DLG2: variants seen among roughly 807,000 people sequenced by gnomAD.
DLG2 encodes the protein discs large MAGUK scaffold protein 2.
Under a neutral mutation model 132.5 loss-of-function variants are expected in DLG2, and 45 were observed. The observed-to-expected ratio is 0.34, with a 90% CI of 0.27 to 0.44. DLG2 has a LOEUF of 0.44. Ranked by LOEUF, DLG2 falls within the 20% of genes least tolerant of loss-of-function variation. The pLI is 1.00. For missense variants in DLG2, 1,045 were observed against 1,196.9 expected (o/e 0.87, Z 1.87); for synonymous variants, 424 against 419.6 (o/e 1.01, Z -0.13).
intron 7 of DLG2, among the ~76,000 whole-genome samples, chr11:84,374,489 T>G (rs1163683214): frequency 2.0e-5 from 3 of 152,200 alleles, no homozygotes; most frequent in Admixed American, 1.3e-4. Context: ...ATCTGTGATT[T>G]TTTTTAGCCC....
At chr11:84,116,123 A>C (rs2093622583) in intron 9 of DLG2, among the ~76,000 whole-genome samples, 1 of 152,160 alleles carries the variant, frequency 6.6e-6, no homozygotes, top group Non-Finnish European at 1.5e-5. Flanking sequence ...AGCACTGGCA[A>C]GTGGGGCCTT....
At chr11:84,424,923 C>A (rs1477909299) in intron 7 of DLG2, among the ~76,000 whole-genome samples, 2 of 151,974 alleles carry the variant, frequency 1.3e-5, no homozygotes. Context: ...CTGGGCAAGA[C>A]AGAATAAATA....
chr11:83,970,654 C>G (rs2091153095), intron 12 of DLG2, among the ~76,000 whole-genome samples: 1 of 152,154 alleles, frequency 6.6e-6, no homozygotes, highest in Non-Finnish European at 1.5e-5. Context: ...GTTTTGACAT[C>G]TGCAAAACAG....
At chr11:84,735,296 T>C (rs1380674798) in intron 6 of DLG2, among the ~76,000 whole-genome samples, 2 of 152,188 alleles carry the variant, frequency 1.3e-5, no homozygotes, top group Non-Finnish European at 2.9e-5. Context: ...AGGCTATTAA[T>C]TATTGCCTCA....
At chr11:84,332,824 T>C (rs2098467022) in intron 7 of DLG2, among the ~76,000 whole-genome samples, 1 of 152,324 alleles carries the variant, frequency 6.6e-6, no homozygotes. Context: ...AGGACCTTGA[T>C]GCAATGCCCA....
At chr11:84,196,719 T>G (rs12283123) in intron 8 of DLG2, among the ~76,000 whole-genome samples, 2,345 of 152,012 alleles carry the variant, frequency 0.015, 70 homozygotes, top group African/African-American at 0.053. Context: ...GTTTATAGAG[T>G]GTTTCCTAAA....
intron 18 of DLG2, among the ~76,000 whole-genome samples, chr11:83,743,429 A>ATTTTCTTTTTTTTTTTT (rs374206299): frequency 4.8e-5 from 5 of 103,792 alleles, no homozygotes; most frequent in African/African-American, 1.7e-4. Flanking sequence ...TGGGCAGGCC[A>ATTTTCTTTTTTTTTTTT]TTTTTTTTTT....
At chr11:84,741,758 G>C (rs1019486009) in intron 6 of DLG2, among the ~76,000 whole-genome samples, 2 of 152,072 alleles carry the variant, frequency 1.3e-5, no homozygotes, top group Non-Finnish European at 2.9e-5. Context: ...ACACCAAAAA[G>C]TAAGGAAACA....
intron 7 of DLG2, among the ~76,000 whole-genome samples, chr11:84,279,910 C>T (rs1177342228): frequency 6.6e-6 from 1 of 152,122 alleles, no homozygotes; most frequent in African/African-American, 2.4e-5. Context: ...TTAGTAGGCA[C>T]AGAAACAACA....
At chr11:85,160,518 C>T (rs935212187) in intron 4 of DLG2, among the ~76,000 whole-genome samples, 6 of 152,126 alleles carry the variant, frequency 3.9e-5, no homozygotes, top group African/African-American at 1.4e-4. Context: ...GACTATAGGT[C>T]ATCAAGTTGC....
Position 83,874,445 on chromosome 11 carries a change from G to C in DLG2, c.1540C>G (p.Leu514Val). The C allele has an allele frequency of 8.1e-6, 13 of 1,601,236 alleles. No homozygotes were observed. The highest frequency in any genetic ancestry group is 1.1e-5 in the Non-Finnish European group (13 of 1,172,238). Reference protein sequence around the residue: ...STATRQPSMTLQRAVSLEGEP... With the variant: ...STATRQPSMTVQRAVSLEGEP... ...CCTTCCAGGGAGACGGCCCGTTGGA[G>C]AGTCATTGAAGGCTGACGAGTTGCG... Residue 514 changes from leucine to valine, a missense_variant, in exon 16 of 28, where the codon CTC becomes GTC. Transcript: ENST00000376104.
At chr11:84,660,432 AT>A (rs2099693301) in intron 6 of DLG2, among the ~76,000 whole-genome samples, 1 of 152,072 alleles carries the variant, frequency 6.6e-6, no homozygotes, top group African/African-American at 2.4e-5. Context: ...GGTTTGTGCT[AT>A]TTTTGGTATC....
intron 8 of DLG2, among the ~76,000 whole-genome samples, chr11:84,203,769 C>A (rs1006315041): frequency 1.3e-5 from 2 of 151,768 alleles, no homozygotes; most frequent in African/African-American, 4.8e-5. Context: ...CAAAATGGGG[C>A]TTGTCAGAGG....
intron 6 of DLG2, among the ~76,000 whole-genome samples, chr11:84,669,114 C>T (rs558708092): frequency 6.6e-6 from 1 of 152,060 alleles, no homozygotes; most frequent in East Asian, 1.9e-4. Context: ...GAAGATGACA[C>T]TAGAGGTAAG....
chr11:84,509,588 G>A (rs1485723823), intron 7 of DLG2, among the ~76,000 whole-genome samples: 1 of 152,076 alleles, frequency 6.6e-6, no homozygotes, highest in Non-Finnish European at 1.5e-5. Context: ...ACATGATAAA[G>A]TGCTCCACCA....
intron 4 of DLG2, among the ~76,000 whole-genome samples, chr11:85,180,807 A>G (rs1229739489): frequency 6.6e-6 from 1 of 151,748 alleles, no homozygotes; most frequent in East Asian, 1.9e-4. Flanking sequence ...GTTTACATAG[A>G]CTTTCATAGA....
intron 14 of DLG2, among the ~76,000 whole-genome samples, chr11:83,937,077 T>G (rs1022639513): frequency 6.6e-6 from 1 of 152,198 alleles, no homozygotes; most frequent in Non-Finnish European, 1.5e-5. Flanking sequence ...TTTAAAAAAT[T>G]TTTAATTGAA....
chr11:84,797,037 G>A (rs1481361401), intron 6 of DLG2, among the ~76,000 whole-genome samples: 1 of 151,896 alleles, frequency 6.6e-6, no homozygotes, highest in Admixed American at 6.6e-5. Flanking sequence ...AGTAGAGACG[G>A]GGTTTCTCCA....
At chr11:85,401,399 G>C (rs2088089445) in intron 3 of DLG2, among the ~76,000 whole-genome samples, 1 of 152,034 alleles carries the variant, frequency 6.6e-6, no homozygotes, top group Non-Finnish European at 1.5e-5. Context: ...ATGGCCAAAA[G>C]CTGGAAGAAT....
Sources: gnomAD v4.1 joint callset for allele counts (sites outside exome capture counted in the v4.1 genomes callset) on GRCh38, gnomAD v4.1.1 for gene constraint, MANE v1.5 for transcripts, NCBI Gene and HGNC (gene_info 2026-07-23, HGNC 2026-07-21) for gene names.